DRC11: variants seen among roughly 807,000 people sequenced by gnomAD.
DRC11 encodes IQ and AAA domain-containing protein 1.
the DRC11 span, among the ~76,000 whole-genome samples, chr2:236,382,959 T>A: frequency 6.6e-6 from 1 of 152,162 alleles, no homozygotes; most frequent in South Asian, 2.1e-4. Flanking sequence ...ATTTTCCATA[T>A]TAACATCTTA....
At chr2:236,347,154 C>A in the DRC11 span, among the ~76,000 whole-genome samples, 11 of 152,156 alleles carry the variant, frequency 7.2e-5, no homozygotes, top group African/African-American at 2.4e-5. Context: ...GAGCACGAGA[C>A]CTCTCACCCT....
At chr2:236,359,867 G>A in the DRC11 span, among the ~76,000 whole-genome samples, 33 of 152,150 alleles carry the variant, frequency 2.2e-4, no homozygotes, top group African/African-American at 5.8e-4. The surrounding 1 kb of genome is among the most constrained non-coding windows in gnomAD (Gnocchi z 4.3). Flanking sequence ...ATATACACAA[G>A]AAAGGTGAAG....
At chr2:236,437,030 T>G in the DRC11 span, among the ~76,000 whole-genome samples, 1 of 151,282 alleles carries the variant, frequency 6.6e-6, no homozygotes, top group Non-Finnish European at 1.5e-5. Context: ...CATGCTGGTG[T>G]GCTGCACCCA....
At chr2:236,482,932 A>G in the DRC11 span, among the ~76,000 whole-genome samples, 1 of 152,334 alleles carries the variant, frequency 6.6e-6, no homozygotes, top group African/African-American at 2.4e-5. The surrounding 1 kb of genome is among the most constrained non-coding windows in gnomAD (Gnocchi z 4.5). Context: ...ACTATTTTTC[A>G]GTGTGCCATT....
the DRC11 span, among the ~76,000 whole-genome samples, chr2:236,337,102 T>C: frequency 6.6e-6 from 1 of 152,062 alleles, no homozygotes; most frequent in African/African-American, 2.4e-5. The surrounding 1 kb of genome is among the most constrained non-coding windows in gnomAD (Gnocchi z 4.9). Flanking sequence ...GCAACTCCAG[T>C]CACATGCGCG....
At chr2:236,442,144 T>C in the DRC11 span, among the ~76,000 whole-genome samples, 1 of 152,136 alleles carries the variant, frequency 6.6e-6, no homozygotes, top group Non-Finnish European at 1.5e-5. Flanking sequence ...ATAAAATATA[T>C]ATTTTAGTTA....
At chr2:236,377,224 C>T in the DRC11 span, 5 of 1,301,888 alleles carry the variant, frequency 3.8e-6, no homozygotes, top group Middle Eastern at 1.8e-4. The surrounding 1 kb of genome is among the most constrained non-coding windows in gnomAD (Gnocchi z 4.9). Context: ...GAGGCACACA[C>T]ACAGAAATCG....
At chr2:236,436,789 AC>A in the DRC11 span, among the ~76,000 whole-genome samples, 2 of 152,110 alleles carry the variant, frequency 1.3e-5, no homozygotes, top group Non-Finnish European at 2.9e-5. Flanking sequence ...CTTGCATGGT[AC>A]CTGGCACAGA....
the DRC11 span, among the ~76,000 whole-genome samples, chr2:236,480,964 G>A: frequency 2.0e-5 from 3 of 152,308 alleles, no homozygotes; most frequent in East Asian, 5.8e-4. Flanking sequence ...CTTAAGCCCA[G>A]GTTTGCATTA....
chr2:236,331,361 T>C, the DRC11 span: 1 of 1,608,956 alleles, frequency 6.2e-7, no homozygotes, highest in Non-Finnish European at 8.5e-7. This position sits in a 1 kb window ranked among gnomAD's most constrained non-coding sequence, Gnocchi z 4.8. Flanking sequence ...TCATTTACCT[T>C]AAAGCTCTCT....
At chr2:236,416,089 T>C in the DRC11 span, among the ~76,000 whole-genome samples, 2 of 151,618 alleles carry the variant, frequency 1.3e-5, no homozygotes, top group Admixed American at 1.3e-4. Flanking sequence ...CAGATGGAGA[T>C]GGATGTAGGT....
At chr2:236,328,750 C>T in the DRC11 span, among the ~76,000 whole-genome samples, 1 of 152,160 alleles carries the variant, frequency 6.6e-6, no homozygotes, top group African/African-American at 2.4e-5. The surrounding 1 kb of genome is among the most constrained non-coding windows in gnomAD (Gnocchi z 6.7). Context: ...AGACCCCGTA[C>T]AGAATATAGT....
chr2:236,442,530 A>G, the DRC11 span, among the ~76,000 whole-genome samples: 1 of 152,182 alleles, frequency 6.6e-6, no homozygotes, highest in African/African-American at 2.4e-5. Flanking sequence ...CTGAACCCAT[A>G]TCAATGAACT....
chr2:236,474,189 T>C, the DRC11 span, among the ~76,000 whole-genome samples: 1 of 152,036 alleles, frequency 6.6e-6, no homozygotes, highest in East Asian at 1.9e-4. Flanking sequence ...CAATAGAATA[T>C]GTAATGCCAA....
chr2:236,387,077 T>C, the DRC11 span, among the ~76,000 whole-genome samples: 1 of 152,126 alleles, frequency 6.6e-6, no homozygotes, highest in East Asian at 1.9e-4. Flanking sequence ...AGAGCTTTAC[T>C]TCCCAGTATG....
chr2:236,367,300 CATAT>C, the DRC11 span, among the ~76,000 whole-genome samples: 2 of 147,828 alleles, frequency 1.4e-5, no homozygotes, highest in East Asian at 3.9e-4. The surrounding 1 kb of genome is among the most constrained non-coding windows in gnomAD (Gnocchi z 4.8). Flanking sequence ...TTATATAAAA[CATAT>C]ATATTATATA....
chr2:236,392,383 G>T, the DRC11 span: 1 of 1,272,406 alleles, frequency 7.9e-7, no homozygotes, highest in Non-Finnish European at 1.1e-6. This position sits in a 1 kb window ranked among gnomAD's most constrained non-coding sequence, Gnocchi z 5.1. Flanking sequence ...AAAAGAAAAA[G>T]AAAAAATTTT....
the DRC11 span, among the ~76,000 whole-genome samples, chr2:236,459,711 A>G: frequency 6.7e-6 from 1 of 149,704 alleles, no homozygotes; most frequent in Non-Finnish European, 1.5e-5. Flanking sequence ...ATACGTATAT[A>G]TATGAGAGAA....
the DRC11 span, chr2:236,392,447 T>C: frequency 4.1e-5 from 26 of 626,854 alleles, no homozygotes; most frequent in African/African-American, 2.2e-4. The surrounding 1 kb of genome is among the most constrained non-coding windows in gnomAD (Gnocchi z 5.1). Flanking sequence ...TTGTAAGTTA[T>C]TGCAATATAA....
Sources: gnomAD v4.1 joint callset for allele counts (sites outside exome capture counted in the v4.1 genomes callset) on GRCh38, gnomAD v4.1.1 for gene constraint, Gnocchi (gnomAD v3.1) non-coding constraint, MANE v1.5 for transcripts, NCBI Gene and HGNC (gene_info 2026-07-23, HGNC 2026-07-21) for gene names.